PIK3CB: variants seen among roughly 807,000 people sequenced by gnomAD.
PIK3CB encodes the protein phosphatidylinositol-4,5-bisphosphate 3-kinase catalytic subunit beta.
A neutral mutation model predicts 136.8 loss-of-function variants in PIK3CB; 39 were observed. The ratio of observed to expected loss-of-function variants is 0.29; its 90% CI spans 0.22 to 0.37. The LOEUF (loss-of-function observed/expected upper bound fraction) is 0.37, where lower values mean the gene tolerates loss of function less well. Ranked by LOEUF, PIK3CB falls within the 10% of genes least tolerant of loss-of-function variation. PIK3CB has a pLI of 1.00. For synonymous variants in PIK3CB, 428 were observed against 436.6 expected (o/e 0.98, Z 0.25); for missense variants, 868 against 1,275.4 (o/e 0.68, Z 4.87).
intron 8 of PIK3CB, among the ~76,000 whole-genome samples, chr3:138,731,929 G>A (rs531503296): frequency 2.4e-4 from 37 of 151,938 alleles, no homozygotes; most frequent in Non-Finnish European, 4.6e-4. Context: ...GTTGCAGTGA[G>A]CCGAGTTCAT....
At chr3:138,710,042 A>G (rs2044464842) in intron 10 of PIK3CB, among the ~76,000 whole-genome samples, 1 of 138,150 alleles carries the variant, frequency 7.2e-6, no homozygotes, top group South Asian at 2.4e-4. Context: ...AAAAAAAAAA[A>G]GCCGGGTGTG....
chr3:138,769,807 A>G (rs1216269541), intron 2 of PIK3CB, among the ~76,000 whole-genome samples: 1 of 152,226 alleles, frequency 6.6e-6, no homozygotes, highest in Non-Finnish European at 1.5e-5. Flanking sequence ...AGGACTACAC[A>G]AACAGTTCAG....
intron 16 of PIK3CB, 64 bp from the exon 17 acceptor site, chr3:138,684,867 C>A: frequency 1.7e-6 from 2 of 1,178,214 alleles, no homozygotes. Context: ...ATCATGTGAT[C>A]ATATCAATCA....
At chr3:138,825,884 G>A in intron 1 of PIK3CB, 1 of 1,524,714 alleles carries the variant, frequency 6.6e-7, no homozygotes, top group South Asian at 1.2e-5. Context: ...TGTCAAGAAT[G>A]TGTCTGTCAA....
At chr3:138,824,064 AG>A (rs1182440976) in intron 1 of PIK3CB, among the ~76,000 whole-genome samples, 2 of 152,186 alleles carry the variant, frequency 1.3e-5, no homozygotes, top group Admixed American at 1.3e-4. Context: ...TGGCAGGAGA[AG>A]AAGATAAATT....
chr3:138,760,425 T>G (rs1271052777), intron 2 of PIK3CB, among the ~76,000 whole-genome samples: 4 of 152,082 alleles, frequency 2.6e-5, no homozygotes, highest in Non-Finnish European at 5.9e-5. Context: ...AGGAATAAAC[T>G]CCTCATATCA....
intron 1 of PIK3CB, among the ~76,000 whole-genome samples, chr3:138,828,954 ATTTT>A (rs34176247): frequency 6.1e-5 from 8 of 130,830 alleles, no homozygotes; most frequent in African/African-American, 1.4e-4. Context: ...CACCAGGCTA[ATTTT>A]TTTTTTTTTT....
intron 21 of PIK3CB, among the ~76,000 whole-genome samples, chr3:138,662,167 T>G (rs1423634275): frequency 5.3e-5 from 8 of 151,274 alleles, no homozygotes; most frequent in Non-Finnish European, 4.4e-5. Context: ...ATGTGCCGGT[T>G]AGTTACATAT....
chr3:138,668,011 C>T (rs1034894929), intron 19 of PIK3CB, among the ~76,000 whole-genome samples: 8 of 151,562 alleles, frequency 5.3e-5, no homozygotes, highest in Non-Finnish European at 7.4e-5. Flanking sequence ...GAGGTTACAG[C>T]GAGCTGAGAT....
At chr3:138,677,499 A>C (rs1215805228) in intron 19 of PIK3CB, among the ~76,000 whole-genome samples, 1 of 152,258 alleles carries the variant, frequency 6.6e-6, no homozygotes, top group Non-Finnish European at 1.5e-5. Context: ...GTAACGAATA[A>C]TATAAGGAGT....
chr3:138,749,261 C>A (rs1412018708), intron 4 of PIK3CB, among the ~76,000 whole-genome samples: 2 of 152,148 alleles, frequency 1.3e-5, no homozygotes, highest in Non-Finnish European at 2.9e-5. Flanking sequence ...CCTTAATCTG[C>A]TACAAATCAT....
chr3:138,676,038 C>T (rs926510499), intron 19 of PIK3CB, among the ~76,000 whole-genome samples: 43 of 152,062 alleles, frequency 2.8e-4, no homozygotes, highest in African/African-American at 1.0e-3. Context: ...GAACAAACAA[C>T]CAGAAAAACA....
intron 9 of PIK3CB, among the ~76,000 whole-genome samples, chr3:138,713,818 A>G (rs913086718): frequency 6.6e-6 from 1 of 152,240 alleles, no homozygotes; most frequent in African/African-American, 2.4e-5. Context: ...TGAAAACATA[A>G]CATGGAAGAT....
Position 138,733,406 on chromosome 3 carries a change from A to C in PIK3CB, c.1005T>G (p.Ile335Met). 6.4e-7 allele frequency: 1 copy of C among 1,564,998 alleles called. No individual in the cohort carries two copies. The highest frequency in any genetic ancestry group is 1.1e-5 in the South Asian group (1 of 88,750). The change falls in exon 8 of 24, where the codon ATT (isoleucine) becomes ATG (methionine). Residue 335 changes from isoleucine (I) to methionine (M), a missense_variant. Physicochemically the swap from Ile to Met is conservative, Grantham distance 10. Around this residue, in one of 4 missense-constraint regions of PIK3CB, gnomAD observed 612 missense variants for 801.1 expected, o/e 0.76. Coordinates refer to ENST00000674063, the MANE Select transcript of PIK3CB (RefSeq NM_006219.3). ...HVWENNNPFQ[I>M]VLVKGNKLNT... ...TAAGTTTATTTCCCTTAACCAAGAC[A>C]ATTTGGAAAGGGTTGTTATTTTCCC...
intron 4 of PIK3CB, among the ~76,000 whole-genome samples, chr3:138,750,463 T>A (rs2045448324): frequency 6.6e-6 from 1 of 152,166 alleles, no homozygotes; most frequent in South Asian, 2.1e-4. Flanking sequence ...ACATGTGCAG[T>A]TCACAATAGG....
chr3:138,690,380 A>T (rs1015184430), intron 15 of PIK3CB, among the ~76,000 whole-genome samples: 11 of 152,116 alleles, frequency 7.2e-5, no homozygotes, highest in African/African-American at 2.4e-4. Context: ...CTGAGTACAG[A>T]GTCAGAAATG....
At chr3:138,812,973 G>A (rs1933143171) in intron 1 of PIK3CB, among the ~76,000 whole-genome samples, 1 of 152,156 alleles carries the variant, frequency 6.6e-6, no homozygotes, top group Admixed American at 6.6e-5. Context: ...TAAGATATAT[G>A]AACTATAGCC....
intron 16 of PIK3CB, among the ~76,000 whole-genome samples, chr3:138,685,867 T>C (rs2043880296): frequency 6.6e-6 from 1 of 152,160 alleles, no homozygotes; most frequent in South Asian, 2.1e-4. Context: ...CTGGGTGTGA[T>C]GGCTCACGTC....
At chr3:138,670,960 T>A (rs890300618) in intron 19 of PIK3CB, among the ~76,000 whole-genome samples, 24 of 151,892 alleles carry the variant, frequency 1.6e-4, no homozygotes, top group Non-Finnish European at 2.9e-4. Flanking sequence ...TTTCTTTTTT[T>A]AAAAAAAAGG....
Sources: gnomAD v4.1 joint callset for allele counts (sites outside exome capture counted in the v4.1 genomes callset) on GRCh38, gnomAD v4.1.1 for gene constraint, gnomAD v4.1.1 regional missense constraint, MANE v1.5 for transcripts, NCBI Gene and HGNC (gene_info 2026-07-23, HGNC 2026-07-21) for gene names.